Variants in NCKAP5 observed in about 807,000 individuals in gnomAD.
NCKAP5 encodes NCK associated protein 5.
Under a neutral mutation model 167.0 loss-of-function variants are expected in NCKAP5, and 92 were observed. The observed-to-expected ratio is 0.55, with a 90% CI of 0.47 to 0.66. The LOEUF is 0.66. Ranked by LOEUF, NCKAP5 falls within the 30% of genes least tolerant of loss-of-function variation. The pLI, the probability that NCKAP5 is intolerant of heterozygous loss-of-function variation, is 0.00. For synonymous variants in NCKAP5, 891 were observed against 877.4 expected (o/e 1.02, Z -0.27); for missense variants, 2,378 against 2,315.0 (o/e 1.03, Z -0.56).
intron 6 of NCKAP5, among the ~76,000 whole-genome samples, chr2:133,098,756 A>T (rs985663006): frequency 6.6e-6 from 1 of 152,234 alleles, no homozygotes; most frequent in African/African-American, 2.4e-5. Context: ...TCAAAACATT[A>T]TGTGCAATTC....
At chr2:133,071,951 T>C (rs2080423173) in intron 6 of NCKAP5, among the ~76,000 whole-genome samples, 1 of 152,202 alleles carries the variant, frequency 6.6e-6, no homozygotes, top group Non-Finnish European at 1.5e-5. Context: ...GAACTCATAA[T>C]ATTGAAGAGA....
At chr2:133,593,098 T>C in the NCKAP5 span, among the ~76,000 whole-genome samples, 1 of 152,222 alleles carries the variant, frequency 6.6e-6, no homozygotes, top group East Asian at 1.9e-4. Flanking sequence ...AAACAGTCAC[T>C]ACTACCGTAA....
chr2:133,227,372 C>T (rs1365795311), intron 4 of NCKAP5, among the ~76,000 whole-genome samples: 1 of 152,134 alleles, frequency 6.6e-6, no homozygotes, highest in African/African-American at 2.4e-5. Flanking sequence ...TACCTCAGTG[C>T]TTTATTAGGG....
intron 11 of NCKAP5, among the ~76,000 whole-genome samples, chr2:132,829,410 C>T (rs576415983): frequency 9.2e-5 from 14 of 152,250 alleles, no homozygotes; most frequent in African/African-American, 2.4e-4. Context: ...TTATCTAGAA[C>T]ACGGATTTGC....
intron 19 of NCKAP5, among the ~76,000 whole-genome samples, chr2:132,682,985 G>C (rs1419604722): frequency 1.3e-5 from 2 of 150,674 alleles, no homozygotes; most frequent in African/African-American, 4.9e-5. Context: ...CCCAGTTCAT[G>C]CTATTCTCCT....
At chr2:133,370,375 A>G (rs1685720148) in intron 3 of NCKAP5, among the ~76,000 whole-genome samples, 1 of 152,216 alleles carries the variant, frequency 6.6e-6, no homozygotes, top group Admixed American at 6.5e-5. Context: ...ATGAGGAAGG[A>G]CAGGAAGGAC....
intron 16 of NCKAP5, among the ~76,000 whole-genome samples, chr2:132,742,254 A>G (rs1235747981): frequency 6.6e-6 from 1 of 152,008 alleles, no homozygotes; most frequent in Non-Finnish European, 1.5e-5. Flanking sequence ...TACATGGACA[A>G]CTGCCTCTAT....
chr2:133,242,249 C>CTTTTTTTTTTTTTTTTTTTT (rs764246319), intron 4 of NCKAP5, among the ~76,000 whole-genome samples: 1 of 140,218 alleles, frequency 7.1e-6, no homozygotes. Flanking sequence ...TTTTTCTTTT[C>CTTTTTTTTTTTTTTTTTTTT]TTTTCTTTTC....
chr2:132,812,915 C>A (rs1685991440), intron 11 of NCKAP5, among the ~76,000 whole-genome samples: 1 of 152,138 alleles, frequency 6.6e-6, no homozygotes, highest in South Asian at 2.1e-4. Context: ...TTTCTGAGGA[C>A]TCTTTTATAA....
Position 133,366,532 on chromosome 2 carries a change from C to T in NCKAP5, c.70-63422G>A, listed in dbSNP as rs191724093. ...TGCCAGGCTGGTCTTGAACTCTTGA[C>T]CTCAAGTGATCCACCAGCCTCAGCC... On this transcript the variant is annotated intron_variant, in intron 3 of 19. Coordinates refer to ENST00000409261, the MANE Select transcript of NCKAP5 (RefSeq NM_207363.3). 2.4e-4 allele frequency among the ~76,000 whole-genome samples: 36 copies of T among 152,176 alleles called. No homozygotes were observed. The East Asian group carries it at 3.3e-3, about 14-fold the overall frequency.
intron 6 of NCKAP5, among the ~76,000 whole-genome samples, chr2:133,058,101 C>T (rs76853503): frequency 1.8e-4 from 28 of 152,204 alleles, no homozygotes; most frequent in Non-Finnish European, 3.7e-4. Context: ...TGTTTTAAAC[C>T]CAGTGTTGAG....
the NCKAP5 span, among the ~76,000 whole-genome samples, chr2:133,604,077 A>G: frequency 6.6e-6 from 1 of 152,282 alleles, no homozygotes; most frequent in South Asian, 2.1e-4. Flanking sequence ...CTTTCTGGGG[A>G]AAGGAGGAGT....
At chr2:132,988,841 C>T (rs1360722010) in intron 7 of NCKAP5, among the ~76,000 whole-genome samples, 1 of 152,116 alleles carries the variant, frequency 6.6e-6, no homozygotes, top group Non-Finnish European at 1.5e-5. Flanking sequence ...TCATATCTGG[C>T]CTACTTTAGC....
the NCKAP5 span, among the ~76,000 whole-genome samples, chr2:133,626,669 G>T: frequency 2.0e-5 from 3 of 151,940 alleles, no homozygotes; most frequent in Non-Finnish European, 4.4e-5. Context: ...ATCTTTCAGA[G>T]ACATAAACTG....
chr2:133,187,813 T>G (rs1312559953), intron 5 of NCKAP5, among the ~76,000 whole-genome samples: 1 of 152,092 alleles, frequency 6.6e-6, no homozygotes, highest in Non-Finnish European at 1.5e-5. Flanking sequence ...TGCTTTTTTT[T>G]GTTTTCCATT....
At chr2:133,322,801 C>T (rs1682152945) in intron 3 of NCKAP5, among the ~76,000 whole-genome samples, 1 of 152,210 alleles carries the variant, frequency 6.6e-6, no homozygotes, top group African/African-American at 2.4e-5. Context: ...TAGCAAACCT[C>T]AGCCAGCACT....
At chr2:133,047,533 A>C (rs1550244) in intron 6 of NCKAP5, among the ~76,000 whole-genome samples, 119,971 of 152,220 alleles carry the variant, frequency 0.79, 48,242 homozygotes, top group East Asian at 0.97. Flanking sequence ...TTGAAAATAT[A>C]TGCTATCATT....
rs1199979941 is a variant in NCKAP5, at chr2:133,503,368, T to C, written c.69+14090A>G. ...TTTAACTTTCTCAAACAATTGCTTT[T>C]GGCTCTTGCCTCATCTGATCCTTAT... On this transcript the variant is annotated intron_variant, in intron 3 of 19. Coordinates refer to ENST00000409261, the MANE Select transcript of NCKAP5 (RefSeq NM_207363.3). Among the ~76,000 whole-genome samples the C allele has an allele frequency of 7.2e-5, 11 of 152,308 alleles. No individual in the cohort carries two copies. The East Asian group carries it at 2.1e-3, about 29-fold the overall frequency.
chr2:133,442,469 G>T (rs143844780), intron 3 of NCKAP5, among the ~76,000 whole-genome samples: 1 of 152,178 alleles, frequency 6.6e-6, no homozygotes, highest in Non-Finnish European at 1.5e-5. Context: ...CGCACCAGGG[G>T]TTCTCAACTA....
Sources: gnomAD v4.1 joint callset for allele counts (sites outside exome capture counted in the v4.1 genomes callset) on GRCh38, gnomAD v4.1.1 for gene constraint, MANE v1.5 for transcripts, NCBI Gene and HGNC (gene_info 2026-07-23, HGNC 2026-07-21) for gene names.